Variants in GPN1 observed in about 807,000 individuals in gnomAD.
The protein encoded by GPN1 is GPN-loop GTPase 1.
Under a neutral mutation model 55.9 loss-of-function variants are expected in GPN1, and 44 were observed. The ratio of observed to expected loss-of-function variants is 0.79; its 90% CI spans 0.62 to 1.01. The LOEUF (loss-of-function observed/expected upper bound fraction) is 1.01, where lower values mean the gene tolerates loss of function less well. Among genes scored for constraint, GPN1 ranks in the 50% least tolerant of loss-of-function variants. GPN1 has a pLI of 0.00. For synonymous variants in GPN1, 179 were observed against 162.5 expected (o/e 1.10, Z -0.77); for missense variants, 466 against 462.8 (o/e 1.01, Z -0.06).
intron 2 of GPN1, among the ~76,000 whole-genome samples, chr2:27,630,197 G>C (rs1673481867): frequency 6.6e-6 from 1 of 152,114 alleles, no homozygotes; most frequent in Non-Finnish European, 1.5e-5. Flanking sequence ...TGAGGCAGGA[G>C]AGTTGCTTGA....
intron 5 of GPN1, among the ~76,000 whole-genome samples, chr2:27,634,590 C>T (rs1406541807): frequency 6.6e-6 from 1 of 152,160 alleles, no homozygotes; most frequent in Non-Finnish European, 1.5e-5. Flanking sequence ...CATTGTGTTT[C>T]TATAAAAGTT....
chr2:27,634,798 C>G, intron 5 of GPN1, 48 bp from the exon 6 acceptor site: 1 of 1,022,498 alleles, frequency 9.8e-7, no homozygotes, highest in East Asian at 2.4e-5. Flanking sequence ...GAATATCCTT[C>G]AGCATAACAC....
At position 27,650,182 on chromosome 2, in the gene GPN1, G is replaced by C; in HGVS notation, c.1107G>C (p.Trp369Cys). Residue 369 changes from tryptophan (W) to cysteine (C), a missense_variant, in exon 14 of 14, where the codon TGG becomes TGC. Trp to Cys is a radical substitution (Grantham distance 215). Coordinates refer to ENST00000610189, the MANE Select transcript of GPN1 (RefSeq NM_007266.4). ...TGCAAGAATCGATGGCACAATACTGGAAGAGAAACAATAAATAGGAGACTT... is the reference window on the plus strand; with the variant it reads ...TGCAAGAATCGATGGCACAATACTGCAAGAGAAACAATAAATAGGAGACTT... Reference protein sequence around the residue: ...NFMQESMAQYWKRNNK With the variant: ...NFMQESMAQYCKRNNK The C allele has an allele frequency of 6.3e-7, 1 of 1,595,032 alleles. No individual in the cohort carries two copies. The highest frequency in any genetic ancestry group is 8.6e-7 in the Non-Finnish European group (1 of 1,162,858).
At chr2:27,628,686 C>G (rs769807338), upstream of GPN1, 15 of 1,551,698 alleles carry the variant, frequency 9.7e-6, no homozygotes, top group Middle Eastern at 3.3e-4. Context: ...TGGCTCCGCT[C>G]CCCGTTCTCT....
chr2:27,646,546 A>G (rs530011895), intron 12 of GPN1, among the ~76,000 whole-genome samples: 2 of 152,164 alleles, frequency 1.3e-5, no homozygotes, highest in South Asian at 4.2e-4. Flanking sequence ...TTTTTAGGTT[A>G]GTTTTCATTT....
At chr2:27,641,938 G>A (rs1673972332) in intron 11 of GPN1, 1 of 153,838 alleles carries the variant, frequency 6.5e-6, no homozygotes, top group Non-Finnish European at 1.4e-5. Flanking sequence ...GCTTCCTTAG[G>A]CTCATTGGAT....
chr2:27,651,305 C>T lies in GPN1; in HGVS notation c.*1105C>T, dbSNP rs1036229729. 1 of 152,180 alleles carries T rather than the reference C, an allele frequency of 6.6e-6. No homozygotes were observed. Among genetic ancestry groups the T allele is most frequent in the African/African-American group, 2.4e-5 (1 of 41,434 alleles). The allele number at this position is 152,180 out of a possible 1,614,324, so 9.4% of individuals were successfully genotyped here. A position where few individuals can be genotyped will look rare whatever the true frequency, so the allele number is the denominator to read the frequency against. ...TCTTATAACCTATGAACTCAGAAAC[C>T]CTGGGGGTGGGCTGAGCAGTCTGTT... is the stretch of plus-strand genomic sequence containing the variant. On this transcript the variant is annotated 3_prime_UTR_variant, in exon 14 of 14. Coordinates refer to ENST00000610189, the MANE Select transcript of GPN1 (RefSeq NM_007266.4).
chr2:27,629,112 C>G lies in GPN1; in HGVS notation c.54C>G (p.His18Gln). Residue 18 changes from histidine (H) to glutamine (Q), a missense_variant, in exon 1 of 14, where the codon CAC becomes CAG. Coordinates refer to ENST00000610189, the MANE Select transcript of GPN1 (RefSeq NM_007266.4). The stretch of plus-strand genomic sequence containing the variant: ...TCCAGGCTTCTGGGGGTCCGCGGCA[C>G]CCAGTGTGTCTGTTGGTGTTGGGAA... The part of the protein sequence containing the change: ...AELQASGGPR[H>Q]PVCLLVLGMA... 2.5e-6 allele frequency: 4 copies of G among 1,614,206 alleles called. No individual in the cohort carries two copies. The highest frequency in any genetic ancestry group is 3.4e-6 in the Non-Finnish European group (4 of 1,180,036).
At chr2:27,628,742 A>G (rs779980800), upstream of GPN1, 8 of 1,549,184 alleles carry the variant, frequency 5.2e-6, no homozygotes, top group Non-Finnish European at 7.0e-6. Context: ...TTGCTGTGTG[A>G]GCCCTGCCCT....
chr2:27,644,928 C>T (rs1674149402), intron 12 of GPN1, among the ~76,000 whole-genome samples: 2 of 151,980 alleles, frequency 1.3e-5, no homozygotes, highest in Admixed American at 1.3e-4. Flanking sequence ...AAGTTCCATG[C>T]ATACTTGAGT....
chr2:27,647,698 T>C (rs2148090320), intron 12 of GPN1, 138 bp from the exon 13 acceptor site: 1 of 596,530 alleles, frequency 1.7e-6, no homozygotes, highest in Middle Eastern at 2.9e-4. Context: ...GTATTAACAA[T>C]ACATTTAGAA....
At chr2:27,649,441 AATAAATAT>A (rs1438758434) in intron 13 of GPN1, among the ~76,000 whole-genome samples, 1 of 145,442 alleles carries the variant, frequency 6.9e-6, no homozygotes, top group Non-Finnish European at 1.6e-5. Flanking sequence ...GATGAGCTTT[AATAAATAT>A]ATACTTTCTT....
intron 10 of GPN1, 24 bp downstream of exon 10, chr2:27,640,149 T>C (rs765331476): frequency 1.4e-6 from 2 of 1,442,278 alleles, no homozygotes; most frequent in South Asian, 1.2e-5. Context: ...AAAATTCTAT[T>C]GATGACATTC....
intron 3 of GPN1, chr2:27,631,306 T>TATGATAGGACCCAGG: frequency 1.9e-6 from 1 of 535,924 alleles, no homozygotes; most frequent in Non-Finnish European, 3.3e-6. Flanking sequence ...ATAGGATAAC[T>TATGATAGGACCCAGG]GACAGCTACC....
At chr2:27,642,780 G>C (rs981804576) in intron 12 of GPN1, among the ~76,000 whole-genome samples, 5 of 151,892 alleles carry the variant, frequency 3.3e-5, no homozygotes, top group African/African-American at 9.7e-5. Context: ...GGTCAGGCTG[G>C]TCTCGAACTC....
At chr2:27,629,269 C>T (rs1673431837) in intron 1 of GPN1, 100 bp downstream of exon 1, 2 of 1,479,866 alleles carry the variant, frequency 1.4e-6, no homozygotes, top group Admixed American at 2.0e-5. Context: ...TGGAGGGTAC[C>T]GGCGCATGGC....
intron 7 of GPN1, among the ~76,000 whole-genome samples, chr2:27,635,739 C>G (rs1673711025): frequency 3.3e-5 from 5 of 152,162 alleles, no homozygotes; most frequent in Admixed American, 3.3e-4. Flanking sequence ...ATTGCTTGAG[C>G]TCAGGTGGTT....
intron 10 of GPN1, among the ~76,000 whole-genome samples, chr2:27,641,002 A>G (rs1007948623): frequency 6.6e-6 from 1 of 152,186 alleles, no homozygotes; most frequent in African/African-American, 2.4e-5. Context: ...CACCAATATT[A>G]ATCTTTCCAG....
At position 27,650,166 on chromosome 2, in the gene GPN1, C is replaced by A; in HGVS notation, c.1091C>A (p.Ser364Ter). The A allele has an allele frequency of 6.2e-7, 1 of 1,603,672 alleles. No individual in the cohort carries two copies. The highest frequency in any genetic ancestry group is 1.1e-5 in the South Asian group (1 of 90,834). ...GCATTCCAGAATTTTATGCAAGAAT[C>A]GATGGCACAATACTGGAAGAGAAAC... ...EPAFQNFMQE[S>*]MAQYWKRNNK The change falls in exon 14 of 14, where the codon TCG (serine) becomes TAG (stop). Residue 364 changes from serine (S) to a stop codon, truncating the protein, a stop_gained. Coordinates refer to ENST00000610189, the MANE Select transcript of GPN1 (RefSeq NM_007266.4). LOFTEE classifies it high-confidence loss of function.
Sources: allele counts gnomAD v4.1 joint callset (sites outside exome capture counted in the v4.1 genomes callset), GRCh38; gene constraint gnomAD v4.1.1; transcripts MANE v1.5; gene names NCBI Gene and HGNC (gene_info 2026-07-23, HGNC 2026-07-21).